TENM4: variants seen among roughly 807,000 people sequenced by gnomAD.
TENM4 encodes teneurin transmembrane protein 4, also known as teneurin-4.
In TENM4, 82 loss-of-function variants were observed where a neutral mutation model predicts 243.3. The observed-to-expected ratio is 0.34, with a 90% CI of 0.28 to 0.40. The LOEUF (loss-of-function observed/expected upper bound fraction) is 0.40, where lower values mean the gene tolerates loss of function less well. Ranked by LOEUF, TENM4 falls within the 10% of genes least tolerant of loss-of-function variation. TENM4 has a pLI of 1.00. For missense variants in TENM4, 3,138 were observed against 3,673.3 expected (o/e 0.85, Z 3.77); for synonymous variants, 1,412 against 1,456.3 (o/e 0.97, Z 0.69).
chr11:78,886,387 T>C (rs1855550248), intron 9 of TENM4, among the ~76,000 whole-genome samples: 1 of 152,210 alleles, frequency 6.6e-6, no homozygotes, highest in Non-Finnish European at 1.5e-5. Context: ...AGCCTGTAAT[T>C]ATGGCCAAGC....
intron 1 of TENM4, among the ~76,000 whole-genome samples, chr11:79,439,376 T>C (rs1160923718): frequency 6.6e-6 from 1 of 152,016 alleles, no homozygotes; most frequent in Non-Finnish European, 1.5e-5. Flanking sequence ...GCGGTACTGT[T>C]GAGGGCTCTG....
At chr11:79,370,809 A>AAAAAAAT (rs58496846) in intron 1 of TENM4, among the ~76,000 whole-genome samples, 1 of 106,058 alleles carries the variant, frequency 9.4e-6, no homozygotes, top group Non-Finnish European at 2.2e-5. Context: ...AAAAAAAAAA[A>AAAAAAAT]GTGATAAATT....
intron 4 of TENM4, chr11:79,096,286 T>C (rs1861073597): frequency 6.6e-6 from 1 of 152,174 alleles, no homozygotes; most frequent in Non-Finnish European, 1.5e-5. Flanking sequence ...TGGCCCTGCT[T>C]CCTCTGGTGC....
intron 7 of TENM4, 94 bp downstream of exon 7, chr11:78,903,174 C>G (rs1855970696): frequency 5.7e-6 from 8 of 1,411,562 alleles, no homozygotes; most frequent in Non-Finnish European, 7.4e-6. Flanking sequence ...CCGGCGTTAT[C>G]TGGGGACACT....
chr11:79,419,162 G>A (rs1321709448), intron 1 of TENM4, among the ~76,000 whole-genome samples: 1 of 152,162 alleles, frequency 6.6e-6, no homozygotes, highest in East Asian at 1.9e-4. Flanking sequence ...AGTGGTGAAG[G>A]AGATGAAAAG....
intron 12 of TENM4, among the ~76,000 whole-genome samples, chr11:78,847,784 G>C (rs1236511689): frequency 1.3e-5 from 2 of 152,102 alleles, no homozygotes; most frequent in Admixed American, 6.5e-5. Context: ...GGTAGAGAAG[G>C]GGCTTATTAA....
Position 78,856,167 on chromosome 11 carries a change from T to C in TENM4, c.1267A>G (p.Ser423Gly), listed in dbSNP as rs896312317. 3.3e-5 allele frequency: 51 copies of C among 1,551,304 alleles called. No individual in the cohort carries two copies. Among genetic ancestry groups the C allele is most frequent in the Non-Finnish European group, 4.3e-5 (49 of 1,146,804 alleles). ...GKGTTEGKPS[S>G]FFPEDSFIDS... ...ATGAAACTGTCCTCTGGAAAGAAAC[T>C]ACTGGGCTTTCCTACCAAGATAGAG... Residue 423 changes from serine (S) to glycine (G), a missense_variant, in exon 11 of 34, where the codon AGT (serine) becomes GGT (glycine). By Grantham distance (56) the Ser-to-Gly change is moderately conservative. This residue lies in a region of TENM4 where 671 missense variants were observed against 614.1 expected (regional missense o/e 1.09). Transcript: ENST00000278550.
At chr11:79,033,240 C>T (rs945436588) in intron 6 of TENM4, among the ~76,000 whole-genome samples, 2 of 152,080 alleles carry the variant, frequency 1.3e-5, no homozygotes. Flanking sequence ...CAGGGACAGC[C>T]ATACAGCAGG....
chr11:79,382,161 G>A (rs901334443), intron 1 of TENM4, among the ~76,000 whole-genome samples: 1 of 152,188 alleles, frequency 6.6e-6, no homozygotes, highest in Non-Finnish European at 1.5e-5. Context: ...AGCTCATTAG[G>A]GGGAGGGCCA....
At chr11:79,218,917 A>G (rs977175106) in intron 2 of TENM4, among the ~76,000 whole-genome samples, 1 of 152,236 alleles carries the variant, frequency 6.6e-6, no homozygotes, top group African/African-American at 2.4e-5. Context: ...TCATTCATAT[A>G]CTGAGGATTG....
intron 19 of TENM4, among the ~76,000 whole-genome samples, chr11:78,744,311 A>G (rs1855997339): frequency 1.3e-5 from 2 of 152,244 alleles, no homozygotes; most frequent in African/African-American, 4.8e-5. Context: ...TTCTTGAACC[A>G]GCTTTTCCAG....
intron 5 of TENM4, among the ~76,000 whole-genome samples, chr11:79,066,731 C>CGCACGCACAT (rs751220134): frequency 3.5e-4 from 10 of 28,396 alleles, no homozygotes; most frequent in South Asian, 2.7e-3. Flanking sequence ...AGCACACACG[C>CGCACGCACAT]GCACGCACAT....
At chr11:78,899,566 G>GGGGT (rs1565430024) in intron 7 of TENM4, among the ~76,000 whole-genome samples, 2 of 126,514 alleles carry the variant, frequency 1.6e-5, no homozygotes, top group Non-Finnish European at 3.4e-5. Flanking sequence ...AAGCGGGGGG[G>GGGGT]GGGGGAAAAA....
At chr11:78,713,927 C>T (rs1214051224) in intron 25 of TENM4, among the ~76,000 whole-genome samples, 4 of 152,084 alleles carry the variant, frequency 2.6e-5, no homozygotes, top group African/African-American at 4.8e-5. Context: ...GAACATTTGC[C>T]GGGCCCTAAA....
intron 6 of TENM4, among the ~76,000 whole-genome samples, chr11:78,974,586 A>C (rs760530474): frequency 3.9e-5 from 6 of 152,208 alleles, no homozygotes; most frequent in African/African-American, 9.7e-5. Context: ...TCCTGTGCAG[A>C]GTAAATGCAT....
In TENM4 at chr11:79,243,093, C is replaced by T. The variant is rs115577159; in HGVS notation, c.-264-27184G>A. Among the ~76,000 whole-genome samples, 956 of 152,252 alleles carry T rather than the reference C, an allele frequency of 6.3e-3. 9 individuals are homozygous for T. Among genetic ancestry groups the T allele is most frequent in the African/African-American group, 0.022 (913 of 41,566 alleles). On this transcript the variant is annotated intron_variant, in intron 2 of 33. Transcript: ENST00000278550. ...TCTGCTCCCCTCCCCTTGTCTGGGG[C>T]TCCACTTTTGTTCCTGGCTTCAGTG...
At chr11:78,892,434 C>A (rs143730515) in intron 7 of TENM4, among the ~76,000 whole-genome samples, 1 of 152,178 alleles carries the variant, frequency 6.6e-6, no homozygotes, top group African/African-American at 2.4e-5. Context: ...TCGACCAGGT[C>A]TTAGAGCCAG....
chr11:78,660,295 G>A (rs1372888089), intron 33 of TENM4, among the ~76,000 whole-genome samples: 3 of 152,176 alleles, frequency 2.0e-5, no homozygotes, highest in African/African-American at 4.8e-5. Context: ...CCTGTAAAAT[G>A]GGGAAATGTC....
At chr11:78,932,942 C>G (rs1260540400) in intron 6 of TENM4, among the ~76,000 whole-genome samples, 1 of 152,280 alleles carries the variant, frequency 6.6e-6, no homozygotes, top group East Asian at 1.9e-4. Context: ...GGTACAGGTT[C>G]GCGGCCCAGG....
Sources: gnomAD v4.1 joint callset for allele counts (sites outside exome capture counted in the v4.1 genomes callset) on GRCh38, gnomAD v4.1.1 for gene constraint, gnomAD v4.1.1 regional missense constraint, MANE v1.5 for transcripts, NCBI Gene and HGNC (gene_info 2026-07-23, HGNC 2026-07-21) for gene names.